Variants in KCNN2 observed in about 807,000 individuals in gnomAD.
KCNN2 encodes small conductance calcium-activated potassium channel protein 2.
A neutral mutation model predicts 55.5 loss-of-function variants in KCNN2; 24 were observed. The ratio of observed to expected loss-of-function variants is 0.43; its 90% CI spans 0.31 to 0.61. KCNN2 has a LOEUF of 0.61. KCNN2 is among the 20% of genes least tolerant of loss of function. The probability of loss-of-function intolerance (pLI) is 0.08; values close to 1 mark genes in which losing one functional copy is unlikely to be tolerated. For synonymous variants in KCNN2, 431 were observed against 336.1 expected, an observed-to-expected ratio of 1.28 and a Z score of -3.09; for missense variants, 754 against 853.6, an observed-to-expected ratio of 0.88 and a Z score of 1.45.
chr5:114,330,592 T>G (rs1370825616), intron 2 of KCNN2, among the ~76,000 whole-genome samples: 1 of 149,154 alleles, frequency 6.7e-6, no homozygotes, highest in Admixed American at 6.8e-5. Flanking sequence ...AATGTGTGCC[T>G]TTGTCAACAT....
At chr5:114,387,833 A>T (rs1488854224) in intron 2 of KCNN2, among the ~76,000 whole-genome samples, 1 of 152,176 alleles carries the variant, frequency 6.6e-6, no homozygotes, top group Non-Finnish European at 1.5e-5. Flanking sequence ...GCTTTTTGCC[A>T]GTTGGCAGTA....
chr5:114,160,197 T>G (rs922113976), intron 1 of KCNN2, among the ~76,000 whole-genome samples: 46 of 152,234 alleles, frequency 3.0e-4, no homozygotes, highest in Non-Finnish European at 2.1e-4. Flanking sequence ...GATTCTGGTA[T>G]GTTGTGTCTT....
At chr5:114,395,430 A>T (rs552082795) in intron 2 of KCNN2, among the ~76,000 whole-genome samples, 1 of 152,326 alleles carries the variant, frequency 6.6e-6, no homozygotes, top group Admixed American at 6.5e-5. Flanking sequence ...CCCTAGAATT[A>T]AGGTAGATTA....
At chr5:114,201,346 C>T (rs1753669968) in intron 1 of KCNN2, among the ~76,000 whole-genome samples, 1 of 152,018 alleles carries the variant, frequency 6.6e-6, no homozygotes, top group Non-Finnish European at 1.5e-5. Flanking sequence ...CTGCAGCTGC[C>T]TCATCTCAAA....
At chr5:114,260,168 C>T (rs1445308207) in intron 2 of KCNN2, among the ~76,000 whole-genome samples, 2 of 152,204 alleles carry the variant, frequency 1.3e-5, no homozygotes. Flanking sequence ...CTTTCTTCTG[C>T]TCTAGTTCCT....
At chr5:114,389,944 A>G (rs1431002002) in intron 2 of KCNN2, among the ~76,000 whole-genome samples, 1 of 152,138 alleles carries the variant, frequency 6.6e-6, no homozygotes, top group East Asian at 1.9e-4. Flanking sequence ...TGAATGCTGG[A>G]AGACCTGAAC....
At chr5:114,091,494 C>G (rs1477016931) in intron 1 of KCNN2, among the ~76,000 whole-genome samples, 1 of 152,126 alleles carries the variant, frequency 6.6e-6, no homozygotes, top group East Asian at 1.9e-4. Flanking sequence ...AGTCTTAGAT[C>G]CAGCCATATT....
Position 114,122,900 on chromosome 5 carries a change from A to G in KCNN2, c.-271+66400A>G, listed in dbSNP as rs148848568. Among the ~76,000 whole-genome samples the G allele has an allele frequency of 9.6e-3, 1,456 of 152,322 alleles. 9 individuals are homozygous for G. The highest frequency in any genetic ancestry group is 0.015 in the Non-Finnish European group (1,041 of 68,028). On this transcript the variant is annotated intron_variant, in intron 1 of 10. Transcript: ENST00000512097. The stretch of plus-strand genomic sequence containing the variant: ...GAGGAAAGCAAATTCTTGTAAGTAG[A>G]AGAAGAACACGCTATATTTTAAAAT...
At chr5:114,172,480 A>C (rs767090041) in intron 1 of KCNN2, among the ~76,000 whole-genome samples, 23 of 151,594 alleles carry the variant, frequency 1.5e-4, no homozygotes, top group Non-Finnish European at 2.8e-4. Flanking sequence ...CTTAACAATT[A>C]GAGAATTACC....
chr5:114,354,364 G>A (rs1580741660), intron 2 of KCNN2, among the ~76,000 whole-genome samples: 1 of 152,038 alleles, frequency 6.6e-6, no homozygotes, highest in South Asian at 2.1e-4. Flanking sequence ...TGTGAAGGAA[G>A]CTGGTTCAAT....
intron 2 of KCNN2, among the ~76,000 whole-genome samples, chr5:114,403,395 G>T (rs1758842398): frequency 6.6e-6 from 1 of 152,190 alleles, no homozygotes; most frequent in South Asian, 2.1e-4. Context: ...AATAGTCCCT[G>T]ATAGTAATTT....
At chr5:114,113,190 C>T (rs905638545) in intron 1 of KCNN2, among the ~76,000 whole-genome samples, 1 of 151,994 alleles carries the variant, frequency 6.6e-6, no homozygotes, top group Non-Finnish European at 1.5e-5. Context: ...TCGAATGAGT[C>T]TGGAGTTCTT....
At chr5:114,070,704 A>G (rs1750550422) in intron 1 of KCNN2, among the ~76,000 whole-genome samples, 1 of 152,166 alleles carries the variant, frequency 6.6e-6, no homozygotes, top group Non-Finnish European at 1.5e-5. Flanking sequence ...TATTTTATCA[A>G]TTTTATTTGT....
chr5:114,137,637 A>T (rs978514878), intron 1 of KCNN2, among the ~76,000 whole-genome samples: 1 of 152,174 alleles, frequency 6.6e-6, no homozygotes, highest in Non-Finnish European at 1.5e-5. Context: ...CTTATATGAG[A>T]CTTGGAGAAG....
At chr5:114,344,109 T>C (rs1043066884) in intron 2 of KCNN2, among the ~76,000 whole-genome samples, 2 of 151,564 alleles carry the variant, frequency 1.3e-5, no homozygotes, top group Non-Finnish European at 2.9e-5. Flanking sequence ...CCACCCAGAG[T>C]TGTTAGCCAA....
At chr5:114,349,084 G>A (rs1029768366) in intron 2 of KCNN2, among the ~76,000 whole-genome samples, 1 of 151,940 alleles carries the variant, frequency 6.6e-6, no homozygotes, top group African/African-American at 2.4e-5. Flanking sequence ...CTTCCCCCCA[G>A]CCCAAGACAA....
chr5:114,465,846 T>G (rs1035818689), intron 4 of KCNN2, among the ~76,000 whole-genome samples: 3 of 152,228 alleles, frequency 2.0e-5, no homozygotes, highest in African/African-American at 7.2e-5. Context: ...AGAAATTCAC[T>G]AATATTTGAG....
chr5:114,109,333 A>T (rs551811158), intron 1 of KCNN2, among the ~76,000 whole-genome samples: 4 of 152,192 alleles, frequency 2.6e-5, no homozygotes, highest in African/African-American at 9.6e-5. Context: ...GGTACAAGTT[A>T]CCATCTTATG....
intron 5 of KCNN2, among the ~76,000 whole-genome samples, chr5:114,476,684 G>A (rs1036374161): frequency 7.2e-5 from 11 of 152,176 alleles, no homozygotes; most frequent in African/African-American, 2.6e-4. Context: ...GCCTCCCAAA[G>A]TGCTGGGATT....
Sources: gnomAD v4.1 joint callset for allele counts (sites outside exome capture counted in the v4.1 genomes callset) on GRCh38, gnomAD v4.1.1 for gene constraint, MANE v1.5 for transcripts, NCBI Gene and HGNC (gene_info 2026-07-23, HGNC 2026-07-21) for gene names.